PDCD11: variants seen among roughly 807,000 people sequenced by gnomAD.
PDCD11 encodes the protein programmed cell death 11, also known as protein RRP5 homolog.
PDCD11 carries 97 observed loss-of-function variants against 198.9 expected under a neutral mutation model. That is an observed-to-expected ratio of 0.49 (90% CI 0.41 to 0.58). PDCD11 has a LOEUF of 0.58. Among genes scored for constraint, PDCD11 ranks in the 20% least tolerant of loss-of-function variants. The probability of loss-of-function intolerance (pLI) is 0.00; values close to 1 mark genes in which losing one functional copy is unlikely to be tolerated. For missense variants in PDCD11, 2,102 were observed against 2,312.7 expected, an observed-to-expected ratio of 0.91 and a Z score of 1.87; for synonymous variants, 893 against 918.0, an observed-to-expected ratio of 0.97 and a Z score of 0.49.
intron 20 of PDCD11, 59 bp from the exon 21 acceptor site, chr10:103,427,270 C>G: frequency 6.8e-7 from 1 of 1,476,898 alleles, no homozygotes. Context: ...AAATCCTGAC[C>G]TACAGATTAC....
chr10:103,439,703 T>C, intron 27 of PDCD11, 43 bp from the exon 28 acceptor site: 1 of 1,613,294 alleles, frequency 6.2e-7, no homozygotes, highest in Non-Finnish European at 8.5e-7. Context: ...GGAATTCTGT[T>C]GTTGCATTTG....
chr10:103,417,960 T>A, intron 14 of PDCD11, 28 bp downstream of exon 14: 1 of 1,612,442 alleles, frequency 6.2e-7, no homozygotes, highest in Non-Finnish European at 8.5e-7. Context: ...GACAAGCTAT[T>A]TTATGTTACA....
At chr10:103,438,846 T>C in intron 27 of PDCD11, 38 bp downstream of exon 27, 1 of 1,611,424 alleles carries the variant, frequency 6.2e-7, no homozygotes, top group Non-Finnish European at 8.5e-7. Flanking sequence ...CCCAAGTGCC[T>C]TCCCTGAGCC....
intron 8 of PDCD11, among the ~76,000 whole-genome samples, chr10:103,411,814 A>G (rs1234695555): frequency 6.6e-6 from 1 of 151,972 alleles, no homozygotes. Flanking sequence ...GAGTTGAGAC[A>G]TTTTACATCT....
rs1179025201 is a variant in PDCD11, at chr10:103,445,609, G to A, written c.*60G>A. Reference sequence around the variant, plus strand: ...GGGCCAGCCCGGCCCCGCCTCGAGTGCCTGGGCACTCGGAAAACTGTTACC... The same window carrying A: ...GGGCCAGCCCGGCCCCGCCTCGAGTACCTGGGCACTCGGAAAACTGTTACC... On this transcript the variant is annotated 3_prime_UTR_variant, in exon 36 of 36. Transcript: ENST00000369797. 6.1e-6 allele frequency: 9 copies of A among 1,480,212 alleles called. No individual in the cohort carries two copies. Among genetic ancestry groups the A allele is most frequent in the Admixed American group, 2.0e-5 (1 of 50,928 alleles). 91.7% of individuals were successfully genotyped at this position (1,480,212 alleles called of 1,614,324 possible). A position where few individuals can be genotyped will look rare whatever the true frequency, so the allele number is the denominator to read the frequency against.
chr10:103,412,652 A>G (rs2030870261), intron 8 of PDCD11, among the ~76,000 whole-genome samples: 1 of 151,888 alleles, frequency 6.6e-6, no homozygotes, highest in South Asian at 2.1e-4. Context: ...AAAACTAGAG[A>G]TGAGGTTTCG....
rs753537930 is a variant in PDCD11 at position 103,443,313 on chromosome 10, G to T, written c.5104G>T (p.Ala1702Ser). Residue 1702 changes from alanine (A) to serine (S), a missense_variant, in exon 33 of 36, where the codon GCC becomes TCC. Ala to Ser is a moderately conservative substitution (Grantham distance 99, BLOSUM62 1). Transcript: ENST00000369797. ...CTTTCTCCACCTGGCTGACATCTACGCCAAGTCAGAGAAATTCCAGGTAGG... is the reference window on the plus strand; with the variant it reads ...CTTTCTCCACCTGGCTGACATCTACTCCAAGTCAGAGAAATTCCAGGTAGG... The part of the protein sequence containing the change: ...KVFLHLADIY[A>S]KSEKFQEAGE... 1.2e-6 allele frequency: 2 copies of T among 1,608,220 alleles called. No individual in the cohort carries two copies.
Position 103,416,521 on chromosome 10 carries a change from CTGA to C in PDCD11, c.1556_1558del (p.Met519del). On this transcript the variant is annotated inframe_deletion, in exon 13 of 36. Coordinates refer to ENST00000369797, the MANE Select transcript of PDCD11 (RefSeq NM_014976.2). ...GCTTTGTGACCCTGAAGCCAAGAAG[CTGA>C]TGATGACCCTGAAAAAAACCCTGAT... 1 of 1,614,136 alleles carries C rather than the reference CTGA, an allele frequency of 6.2e-7. No homozygotes were observed. The highest frequency in any genetic ancestry group is 8.5e-7 in the Non-Finnish European group (1 of 1,180,002).
At chr10:103,427,413 C>A in intron 21 of PDCD11, 22 bp downstream of exon 21, 1 of 1,596,666 alleles carries the variant, frequency 6.3e-7, no homozygotes. Context: ...ATTAGCAGCA[C>A]TGTCTTACGG....
chr10:103,425,460 C>G lies in PDCD11; in HGVS notation c.3240C>G (p.Thr1080=). ...TTCCAGAGGGCACCTCTCCTACTAC[C>G]AAGCTGAAGGTTGGGAAGACGGTCA... is the stretch of plus-strand genomic sequence containing the variant. The part of the protein sequence containing the change: ...DDVPEGTSPT[T]KLKVGKTVTA... Residue 1080 remains threonine (T), a synonymous_variant, in exon 20 of 36, where the codon ACC becomes ACG. Transcript: ENST00000369797. The G allele has an allele frequency of 6.2e-7, 1 of 1,613,936 alleles. No homozygotes were observed. The highest frequency in any genetic ancestry group is 1.1e-5 in the South Asian group (1 of 91,074).
intron 20 of PDCD11, among the ~76,000 whole-genome samples, chr10:103,425,979 T>C (rs1397251031): frequency 6.6e-6 from 1 of 152,194 alleles, no homozygotes; most frequent in Non-Finnish European, 1.5e-5. Flanking sequence ...TTTAAAAATA[T>C]GGAATATATG....
intron 33 of PDCD11, 96 bp downstream of exon 33, chr10:103,443,429 T>C: frequency 8.7e-7 from 1 of 1,143,338 alleles, no homozygotes; most frequent in Non-Finnish European, 1.2e-6. Flanking sequence ...TGCTGTGAGC[T>C]TGCCACCCAA....
chr10:103,427,760 G>C (rs1329134871), intron 21 of PDCD11, among the ~76,000 whole-genome samples: 1 of 152,134 alleles, frequency 6.6e-6, no homozygotes, highest in Non-Finnish European at 1.5e-5. Flanking sequence ...ACTGTGTGGT[G>C]GGCTGGAGGC....
intron 20 of PDCD11, among the ~76,000 whole-genome samples, chr10:103,427,110 GA>G (rs59511408): frequency 0.051 from 7,371 of 144,050 alleles, 605 homozygotes; most frequent in African/African-American, 0.17. Flanking sequence ...CCTTGTCCCA[GA>G]AAAAAAAAAA....
intron 33 of PDCD11, among the ~76,000 whole-genome samples, chr10:103,443,629 C>T (rs544797820): frequency 9.8e-5 from 15 of 152,332 alleles, no homozygotes; most frequent in Admixed American, 9.8e-4. Context: ...GCCCAGCATC[C>T]GCTCTGGCGT....
At chr10:103,444,180 C>T (rs2032505649) in intron 34 of PDCD11, 112 bp downstream of exon 34, 1 of 859,464 alleles carries the variant, frequency 1.2e-6, no homozygotes, top group East Asian at 2.6e-5. Flanking sequence ...GGGCTTTCCT[C>T]TTGCTGCCTG....
At chr10:103,401,742 T>A (rs1000636224) in intron 3 of PDCD11, among the ~76,000 whole-genome samples, 5 of 146,558 alleles carry the variant, frequency 3.4e-5, no homozygotes, top group Non-Finnish European at 7.6e-5. Flanking sequence ...AAAACTAAAA[T>A]TTTTTTTTTT....
Position 103,418,506 on chromosome 10 carries a change from A to T in PDCD11, c.1978A>T (p.Ile660Phe). The T allele has an allele frequency of 6.2e-7, 1 of 1,614,140 alleles. No homozygotes were observed. ...GGAGGTGGCTGTCCTGCCCCACAACATCCGTGCTTTCCTCCCCACATCTCA... is the reference window on the plus strand; with the variant it reads ...GGAGGTGGCTGTCCTGCCCCACAACTTCCGTGCTTTCCTCCCCACATCTCA... ...GLEVAVLPHN[I>F]RAFLPTSHLS... The change falls in exon 15 of 36, where the codon ATC (isoleucine) becomes TTC (phenylalanine). Residue 660 changes from isoleucine to phenylalanine, a missense_variant. Coordinates refer to ENST00000369797, the MANE Select transcript of PDCD11 (RefSeq NM_014976.2).
chr10:103,426,416 A>G (rs2031695972), intron 20 of PDCD11, among the ~76,000 whole-genome samples: 1 of 152,188 alleles, frequency 6.6e-6, no homozygotes, highest in Non-Finnish European at 1.5e-5. Flanking sequence ...CTAAATAAAG[A>G]CCTCAGTTTC....
Sources: allele counts gnomAD v4.1 joint callset (sites outside exome capture counted in the v4.1 genomes callset), GRCh38; gene constraint gnomAD v4.1.1; transcripts MANE v1.5; gene names NCBI Gene and HGNC (gene_info 2026-07-23, HGNC 2026-07-21).